ATRNL1: variants seen among roughly 807,000 people sequenced by gnomAD.
ATRNL1 encodes attractin like 1.
A neutral mutation model predicts 182.7 loss-of-function variants in ATRNL1; 95 were observed. The observed-to-expected ratio is 0.52, with a 90% CI of 0.44 to 0.62. The LOEUF is 0.62. Ranked by LOEUF, ATRNL1 falls within the 20% of genes least tolerant of loss-of-function variation. ATRNL1 has a pLI of 0.00. For synonymous variants in ATRNL1, 576 were observed against 568.3 expected (o/e 1.01, Z -0.19); for missense variants, 1,471 against 1,679.5 (o/e 0.88, Z 2.17).
chr10:115,547,362 GTATT>G (rs1462644892), intron 25 of ATRNL1, among the ~76,000 whole-genome samples: 1 of 151,760 alleles, frequency 6.6e-6, no homozygotes, highest in Non-Finnish European at 1.5e-5. Context: ...GCTACAATGA[GTATT>G]TAATTAGGTG....
chr10:115,919,324 C>A (rs1464543238), intron 28 of ATRNL1, among the ~76,000 whole-genome samples: 1 of 152,168 alleles, frequency 6.6e-6, no homozygotes, highest in Admixed American at 6.5e-5. Flanking sequence ...ATAAAACATA[C>A]TCAGTAAGAA....
intron 26 of ATRNL1, among the ~76,000 whole-genome samples, chr10:115,610,575 G>A (rs1857104290): frequency 6.6e-6 from 1 of 152,088 alleles, no homozygotes; most frequent in Non-Finnish European, 1.5e-5. Context: ...GAATAGCATG[G>A]TGGCTTAGAG....
chr10:115,205,218 A>G (rs1848751620), intron 8 of ATRNL1, among the ~76,000 whole-genome samples: 1 of 151,974 alleles, frequency 6.6e-6, no homozygotes, highest in Non-Finnish European at 1.5e-5. Flanking sequence ...TTGTGTCCTT[A>G]CTTTTACTAG....
At position 115,539,130 on chromosome 10, in the gene ATRNL1, A is replaced by G. The variant is rs200544848; in HGVS notation, c.3717-10328A>G. On this transcript the variant is annotated intron_variant, in intron 25 of 28. Transcript: ENST00000355044. Reference sequence around the variant, plus strand: ...TAGAACATATCCCCATTAGTAAGTGACACATGACTGTATTTTTACATTGTA... The same window carrying G: ...TAGAACATATCCCCATTAGTAAGTGGCACATGACTGTATTTTTACATTGTA... Among the ~76,000 whole-genome samples the G allele has an allele frequency of 2.8e-4, 42 of 152,344 alleles. 1 individual carries two copies. In the East Asian group the frequency reaches 8.1e-3, roughly 29 times the overall value.
chr10:115,210,732 A>G (rs1554894811), intron 8 of ATRNL1, among the ~76,000 whole-genome samples: 1 of 151,584 alleles, frequency 6.6e-6, no homozygotes, highest in Non-Finnish European at 1.5e-5. Context: ...AGTGTTCTTA[A>G]TAGTATCTCT....
intron 5 of ATRNL1, among the ~76,000 whole-genome samples, chr10:115,135,973 C>A (rs1845493129): frequency 6.6e-6 from 1 of 151,958 alleles, no homozygotes; most frequent in Admixed American, 6.6e-5. Context: ...ATCCTCCCAA[C>A]TCAGCCTCCG....
intron 21 of ATRNL1, among the ~76,000 whole-genome samples, chr10:115,451,871 C>G (rs1188538580): frequency 6.6e-6 from 1 of 152,120 alleles, no homozygotes; most frequent in African/African-American, 2.4e-5. Context: ...AAATGCCCAT[C>G]AGTGACAGAT....
intron 24 of ATRNL1, among the ~76,000 whole-genome samples, chr10:115,509,515 T>C (rs1850279827): frequency 6.6e-6 from 1 of 151,912 alleles, no homozygotes; most frequent in African/African-American, 2.4e-5. Context: ...TTTAAAATTG[T>C]GTAGTACCCC....
intron 28 of ATRNL1, among the ~76,000 whole-genome samples, chr10:115,850,781 ATT>A (rs1951036206): frequency 6.6e-6 from 1 of 152,114 alleles, no homozygotes; most frequent in Non-Finnish European, 1.5e-5. Flanking sequence ...GTTCAAATTC[ATT>A]TACCCTTTCC....
chr10:115,459,186 C>T (rs1194093488), intron 21 of ATRNL1, among the ~76,000 whole-genome samples: 2 of 151,976 alleles, frequency 1.3e-5, no homozygotes, highest in East Asian at 1.9e-4. Flanking sequence ...GTAATAATTG[C>T]GTTAACTACA....
chr10:115,708,319 C>T (rs1946961398), intron 26 of ATRNL1, among the ~76,000 whole-genome samples: 1 of 151,464 alleles, frequency 6.6e-6, no homozygotes, highest in Non-Finnish European at 1.5e-5. Context: ...GTGTCTTTAG[C>T]TTTTAGTAAG....
At chr10:115,325,184 A>G (rs957465889) in intron 18 of ATRNL1, among the ~76,000 whole-genome samples, 1 of 152,144 alleles carries the variant, frequency 6.6e-6, no homozygotes, top group Non-Finnish European at 1.5e-5. Flanking sequence ...ATGAGGAGCC[A>G]TCTGGAGTGG....
At position 115,520,731 on chromosome 10, in the gene ATRNL1, T is replaced by G. The variant is rs1319312843; in HGVS notation, c.3716+1407T>G. Among the ~76,000 whole-genome samples, 5 of 152,190 alleles carry G rather than the reference T, an allele frequency of 3.3e-5. No individual in the cohort carries two copies. In the East Asian group the frequency reaches 9.6e-4, roughly 29 times the overall value. The stretch of plus-strand genomic sequence containing the variant: ...CCATGTGGGCCCATATATAACAATT[T>G]CAATTTCTCATTTCCATTTACAGCC... On this transcript the variant is annotated intron_variant, in intron 25 of 28. Transcript: ENST00000355044.
chr10:115,110,100 C>T (rs539504943), intron 1 of ATRNL1, among the ~76,000 whole-genome samples: 1 of 151,840 alleles, frequency 6.6e-6, no homozygotes, highest in South Asian at 2.1e-4. Flanking sequence ...AGTATTTTAC[C>T]ATCCTGAGTT....
intron 8 of ATRNL1, among the ~76,000 whole-genome samples, chr10:115,187,670 GTTTT>G (rs557762991): frequency 4.5e-5 from 5 of 111,834 alleles, no homozygotes; most frequent in South Asian, 5.9e-4. Context: ...AGGGTGCTTG[GTTTT>G]TTTTTTTTTT....
chr10:115,542,345 A>G (rs1852406439), intron 25 of ATRNL1, among the ~76,000 whole-genome samples: 1 of 152,022 alleles, frequency 6.6e-6, no homozygotes, highest in Admixed American at 6.6e-5. Context: ...AATGATATCT[A>G]GTAGATTTTA....
chr10:115,270,691 C>T (rs1163626308), intron 13 of ATRNL1, among the ~76,000 whole-genome samples: 1 of 151,860 alleles, frequency 6.6e-6, no homozygotes, highest in African/African-American at 2.4e-5. Flanking sequence ...TTCTTTCAGG[C>T]CCTCAATTGC....
intron 20 of ATRNL1, among the ~76,000 whole-genome samples, chr10:115,407,819 A>C (rs1255658148): frequency 1.3e-5 from 2 of 152,188 alleles, no homozygotes; most frequent in African/African-American, 4.8e-5. Context: ...ACTGTTTTCC[A>C]TACTGGCTGT....
At chr10:115,496,750 G>A (rs1361104333) in intron 24 of ATRNL1, among the ~76,000 whole-genome samples, 1 of 152,196 alleles carries the variant, frequency 6.6e-6, no homozygotes, top group African/African-American at 2.4e-5. Flanking sequence ...TAAGGCCTCT[G>A]CTCAAAGGTC....
Sources: allele counts gnomAD v4.1 joint callset (sites outside exome capture counted in the v4.1 genomes callset), GRCh38; gene constraint gnomAD v4.1.1; transcripts MANE v1.5; gene names NCBI Gene and HGNC (gene_info 2026-07-23, HGNC 2026-07-21).